PRDM14: variants seen among roughly 807,000 people sequenced by gnomAD.
PRDM14 encodes PR/SET domain 14.
A neutral mutation model predicts 48.0 loss-of-function variants in PRDM14; 16 were observed. That is an observed-to-expected ratio of 0.33 (90% CI 0.23 to 0.51). The LOEUF is 0.51. PRDM14 is among the 20% of genes least tolerant of loss of function. PRDM14 has a pLI of 0.97. For missense variants in PRDM14, 566 were observed against 719.6 expected, an observed-to-expected ratio of 0.79 and a Z score of 2.44; for synonymous variants, 264 against 276.6, an observed-to-expected ratio of 0.95 and a Z score of 0.45.
At position 70,051,827 on chromosome 8, in the gene PRDM14, A is replaced by G; in HGVS notation, c.*250T>C. On this transcript the variant is annotated 3_prime_UTR_variant, in exon 8 of 8. Coordinates refer to ENST00000276594, the MANE Select transcript of PRDM14 (RefSeq NM_024504.4). ...GGTTCTGTCACCCAGGTTGAAAAGC[A>G]GTGGGGCGATCTCAGCTCACAGCAA... The G allele has an allele frequency of 2.5e-6, 1 of 406,134 alleles. No homozygotes were observed. Among genetic ancestry groups the G allele is most frequent in the East Asian group, 4.0e-5 (1 of 25,172 alleles). The allele number at this position is 406,134 out of a possible 1,614,324, so 25.2% of individuals were successfully genotyped here.
chr8:70,055,376 G>A lies in PRDM14; in HGVS notation c.1412C>T (p.Ser471Phe), dbSNP rs1805455523. 1.9e-6 allele frequency: 3 copies of A among 1,599,972 alleles called. No homozygotes were observed. The highest frequency in any genetic ancestry group is 2.6e-6 in the Non-Finnish European group (3 of 1,167,438). Reference sequence around the variant, plus strand: ...GTGTTTGTTTAGGCTGGAAGATTGAGAGAAACATTTCCCACATGTAGAACA... The same window carrying A: ...GTGTTTGTTTAGGCTGGAAGATTGAAAGAAACATTTCCCACATGTAGAACA... ...HKCSTCGKCF[S>F]QSSSLNKHMR... The change falls in exon 7 of 8, where the codon TCT (serine) becomes TTT (phenylalanine). Residue 471 changes from serine (S) to phenylalanine (F), a missense_variant. Ser to Phe is a radical substitution (Grantham distance 155). Coordinates refer to ENST00000276594, the MANE Select transcript of PRDM14 (RefSeq NM_024504.4).
At chr8:70,052,579 T>TGCAG (rs1408297463) in intron 7 of PRDM14, among the ~76,000 whole-genome samples, 1 of 151,826 alleles carries the variant, frequency 6.6e-6, no homozygotes, top group African/African-American at 2.4e-5. Flanking sequence ...AAAAGCAGAT[T>TGCAG]GCAGGCTGGG....
At chr8:70,057,722 T>G (rs1771554049) in intron 6 of PRDM14, among the ~76,000 whole-genome samples, 1 of 152,208 alleles carries the variant, frequency 6.6e-6, no homozygotes, top group African/African-American at 2.4e-5. Context: ...TTTTCACTTT[T>G]GCCAGTCTAA....
In PRDM14 at chr8:70,069,880, C is replaced by A. The variant is rs756860583; in HGVS notation, c.-20G>T. On this transcript the variant is annotated 5_prime_UTR_variant, in exon 2 of 8. Coordinates refer to ENST00000276594, the MANE Select transcript of PRDM14 (RefSeq NM_024504.4). The stretch of plus-strand genomic sequence containing the variant: ...AGCCATCCCGGGACCGCACGCTCGG[C>A]GGCTCTGCAGAAAAGCGGGCGCCGC... 10 of 1,548,142 alleles carry A rather than the reference C, an allele frequency of 6.5e-6. No homozygotes were observed. The highest frequency in any genetic ancestry group is 6.0e-5 in the South Asian group (5 of 83,348).
At chr8:70,053,676 C>T (rs2131033868) in intron 7 of PRDM14, among the ~76,000 whole-genome samples, 1 of 152,296 alleles carries the variant, frequency 6.6e-6, no homozygotes, top group Non-Finnish European at 1.5e-5. Flanking sequence ...AGGTGTGAGC[C>T]ACCACGCCCA....
chr8:70,069,653 G>T lies in PRDM14; in HGVS notation c.208C>A (p.Pro70Thr). 1.3e-6 allele frequency: 2 copies of T among 1,569,706 alleles called. No individual in the cohort carries two copies. The highest frequency in any genetic ancestry group is 1.7e-6 in the Non-Finnish European group (2 of 1,157,446). ...ASAAPAMPPF[P>T]FRMAPPLLSP... ...AGCAAGGGAGGCGCCATCCGGAAGG[G>T]GAAGGGGGGCATGGCGGGGGCAGCA... is the stretch of plus-strand genomic sequence containing the variant. Residue 70 changes from proline to threonine, a missense_variant, in exon 2 of 8, where the codon CCC becomes ACC. Transcript: ENST00000276594.
chr8:70,060,536 C>T (rs1026707549), intron 5 of PRDM14, among the ~76,000 whole-genome samples: 11 of 152,146 alleles, frequency 7.2e-5, no homozygotes, highest in Middle Eastern at 6.8e-3. Context: ...TGTTTAATTA[C>T]TTTCTGGTCA....
chr8:70,062,097 T>C (rs1201375191), intron 5 of PRDM14, among the ~76,000 whole-genome samples: 1 of 152,238 alleles, frequency 6.6e-6, no homozygotes, highest in Non-Finnish European at 1.5e-5. Flanking sequence ...CATTCATTTA[T>C]AATTATTCCC....
intron 6 of PRDM14, among the ~76,000 whole-genome samples, chr8:70,056,917 T>C (rs367726116): frequency 6.6e-6 from 1 of 150,640 alleles, no homozygotes; most frequent in Non-Finnish European, 1.5e-5. Context: ...AGCTTCCTCA[T>C]CAGTCCTGTC....
At chr8:70,057,211 T>C (rs4737296) in intron 6 of PRDM14, among the ~76,000 whole-genome samples, 103,272 of 151,866 alleles carry the variant, frequency 0.68, 35,613 homozygotes, top group African/African-American at 0.81. Flanking sequence ...GTGATCCACC[T>C]GTCTCGGCCT....
At chr8:70,065,049 G>T (rs143464391) in intron 5 of PRDM14, among the ~76,000 whole-genome samples, 1 of 151,678 alleles carries the variant, frequency 6.6e-6, no homozygotes, top group Non-Finnish European at 1.5e-5. Flanking sequence ...ACTACGCCCC[G>T]CTAATTTTTT....
In PRDM14 at chr8:70,062,389, G is replaced by A. The variant is rs958887934; in HGVS notation, c.1184-3547C>T. Among the ~76,000 whole-genome samples the A allele has an allele frequency of 2.0e-5, 3 of 151,952 alleles. 1 individual carries two copies. Among genetic ancestry groups the A allele is most frequent in the South Asian group, 4.1e-4 (2 of 4,822 alleles). ...GTGTTTTGGATTTCAGGTTTTTTTCGAACTTTGGAATATTTCATATACATA... is the reference window on the plus strand; with the variant it reads ...GTGTTTTGGATTTCAGGTTTTTTTCAAACTTTGGAATATTTCATATACATA... On this transcript the variant is annotated intron_variant, in intron 5 of 7. Transcript: ENST00000276594.
At chr8:70,065,138 GGCATCCCAAAGTGCTGGGATTAGAGGC>G (rs1333632475) in intron 5 of PRDM14, among the ~76,000 whole-genome samples, 1 of 151,438 alleles carries the variant, frequency 6.6e-6, no homozygotes, top group Non-Finnish European at 1.5e-5. Context: ...TGCCCATTTC[GGCATCCCAAAGTGCTGGGATTAGAGGC>G]GTGAGCCACT....
rs547120078 is a variant in PRDM14 at position 70,069,648 on chromosome 8, G to A, written c.213C>T (p.Phe71=). The change falls in exon 2 of 8, where the codon TTC becomes TTT. Residue 71 remains phenylalanine, a synonymous_variant. Coordinates refer to ENST00000276594, the MANE Select transcript of PRDM14 (RefSeq NM_024504.4). ...SAAPAMPPFP[F]RMAPPLLSPG... ...GGCTCAGCAAGGGAGGCGCCATCCG[G>A]AAGGGGAAGGGGGGCATGGCGGGGG... 7.5e-5 allele frequency: 118 copies of A among 1,568,912 alleles called. No individual in the cohort carries two copies. In the African/African-American group the frequency reaches 1.4e-3, roughly 19 times the overall value.
At chr8:70,059,525 C>T (rs983513570) in intron 5 of PRDM14, among the ~76,000 whole-genome samples, 1 of 152,064 alleles carries the variant, frequency 6.6e-6, no homozygotes, top group African/African-American at 2.4e-5. Context: ...CTGCCTCGGC[C>T]TCCCAAAGTG....
chr8:70,058,489 T>C, intron 6 of PRDM14, 151 bp downstream of exon 6: 1 of 651,902 alleles, frequency 1.5e-6, no homozygotes. Context: ...CGCCTGCCTG[T>C]TCCGTAATAC....
chr8:70,052,425 G>T, intron 7 of PRDM14, 121 bp from the exon 8 acceptor site: 1 of 713,112 alleles, frequency 1.4e-6, no homozygotes. Context: ...TGGGTTTTAA[G>T]GCCATAGAGC....
At position 70,069,311 on chromosome 8, in the gene PRDM14, G is replaced by A. The variant is rs777807502; in HGVS notation, c.550C>T (p.Pro184Ser). The change falls in exon 2 of 8, where the codon CCC becomes TCC. Residue 184 changes from proline to serine, a missense_variant. Around this residue, in one of 3 missense-constraint regions of PRDM14, gnomAD observed 410 missense variants for 424.6 expected, o/e 0.97. Coordinates refer to ENST00000276594, the MANE Select transcript of PRDM14 (RefSeq NM_024504.4). ...PSKQSEDGPKPSNQEGKSPAR... is the reference protein window; with the variant it reads ...PSKQSEDGPKSSNQEGKSPAR... ...GGGGACTTCCCTTCTTGGTTGGAGG[G>A]TTTGGGACCATCCTCTGACTGCTTG... is the stretch of plus-strand genomic sequence containing the variant. 1.9e-6 allele frequency: 3 copies of A among 1,611,956 alleles called. No homozygotes were observed. The highest frequency in any genetic ancestry group is 2.5e-6 in the Non-Finnish European group (3 of 1,178,944).
At chr8:70,055,206 A>G (rs1336947609) in intron 7 of PRDM14, 94 bp downstream of exon 7, 10 of 662,978 alleles carry the variant, frequency 1.5e-5, no homozygotes, top group Non-Finnish European at 2.6e-6. Context: ...AACATTTACC[A>G]AGAACTCATT....
Sources: allele counts gnomAD v4.1 joint callset (sites outside exome capture counted in the v4.1 genomes callset), GRCh38; gene constraint gnomAD v4.1.1; regional missense constraint gnomAD v4.1.1; transcripts MANE v1.5; gene names NCBI Gene and HGNC (gene_info 2026-07-23, HGNC 2026-07-21).